The following B4GALNT2 variants were observed in gnomAD, a reference collection of about 807,000 sequenced individuals.
The protein encoded by B4GALNT2 is N-acetylneuraminylgalactosylglucosyl-glucoside beta-1,4-N- acetylgalactosaminyltransferase 2.
Under a neutral mutation model 51.1 loss-of-function variants are expected in B4GALNT2, and 42 were observed. The ratio of observed to expected loss-of-function variants is 0.82; its 90% CI spans 0.64 to 1.06. The LOEUF (loss-of-function observed/expected upper bound fraction) is 1.06, where lower values mean the gene tolerates loss of function less well. Among genes scored for constraint, B4GALNT2 ranks in the 50% least tolerant of loss-of-function variants. The probability of loss-of-function intolerance (pLI) is 0.00; values close to 1 mark genes in which losing one functional copy is unlikely to be tolerated. For synonymous variants in B4GALNT2, 253 were observed against 251.7 expected (o/e 1.01, Z -0.05); for missense variants, 602 against 633.6 (o/e 0.95, Z 0.54).
chr17:49,140,085 A>C (rs913225961), intron 1 of B4GALNT2, among the ~76,000 whole-genome samples: 1 of 149,984 alleles, frequency 6.7e-6, no homozygotes, highest in Non-Finnish European at 1.5e-5. Context: ...ACGTGAATAA[A>C]AGCAAAACAG....
intron 9 of B4GALNT2, among the ~76,000 whole-genome samples, chr17:49,167,520 G>A (rs372985537): frequency 4.6e-5 from 7 of 151,644 alleles, no homozygotes; most frequent in Non-Finnish European, 7.4e-5. Flanking sequence ...CATGTATTAC[G>A]TAGTGGTGAA....
At chr17:49,162,073 C>T (rs1018935846) in intron 7 of B4GALNT2, among the ~76,000 whole-genome samples, 2 of 151,742 alleles carry the variant, frequency 1.3e-5, no homozygotes, top group African/African-American at 4.8e-5. Context: ...CTGCAAGCTC[C>T]ACCTCCCGGG....
intron 3 of B4GALNT2, among the ~76,000 whole-genome samples, chr17:49,142,432 G>T (rs1202366301): frequency 2.6e-5 from 4 of 152,168 alleles, no homozygotes; most frequent in Admixed American, 6.5e-5. Flanking sequence ...ACACATGTCT[G>T]TCATTCTAGC....
chr17:49,121,671 A>G, the B4GALNT2 span, among the ~76,000 whole-genome samples: 1 of 152,182 alleles, frequency 6.6e-6, no homozygotes. Context: ...AAATGGGTCC[A>G]CAGCCAGGGA....
At chr17:49,125,462 G>C in the B4GALNT2 span, among the ~76,000 whole-genome samples, 632 of 152,246 alleles carry the variant, frequency 4.2e-3, 4 homozygotes, top group African/African-American at 0.015. Flanking sequence ...TCCTGGCCAA[G>C]CTTGGGATTT....
chr17:49,170,052 G>A lies in B4GALNT2; in HGVS notation c.*324G>A, dbSNP rs950815384. The A allele has an allele frequency of 1.3e-5, 3 of 227,452 alleles. No individual in the cohort carries two copies. Among genetic ancestry groups the A allele is most frequent in the Admixed American group, 5.4e-5 (1 of 18,448 alleles). 14.1% of individuals were successfully genotyped at this position (227,452 alleles called of 1,614,324 possible). On this transcript the variant is annotated 3_prime_UTR_variant, in exon 11 of 11. Coordinates refer to ENST00000393354, the MANE Select transcript of B4GALNT2 (RefSeq NM_001159387.2). ...AAGATGACATTGGTTGGTGTCCTCA[G>A]TCAAAAGAACAGCTGCCTGGTCCTT...
At chr17:49,159,363 A>G (rs998324925) in intron 6 of B4GALNT2, 146 bp downstream of exon 6, 5 of 675,428 alleles carry the variant, frequency 7.4e-6, no homozygotes. Flanking sequence ...GTTTTTTGAG[A>G]CGGAGTCTCA....
intron 3 of B4GALNT2, among the ~76,000 whole-genome samples, chr17:49,144,134 C>T (rs1462618220): frequency 6.6e-6 from 1 of 152,104 alleles, no homozygotes; most frequent in Non-Finnish European, 1.5e-5. Context: ...GTCTGGGTGA[C>T]AGAGTGAGAC....
At position 49,170,546 on chromosome 17, in the gene B4GALNT2, G is replaced by T. The variant is rs2144349287; in HGVS notation, c.*818G>T. On this transcript the variant is annotated 3_prime_UTR_variant, in exon 11 of 11. Coordinates refer to ENST00000393354, the MANE Select transcript of B4GALNT2 (RefSeq NM_001159387.2). ...AAGCCACTAAACTCCAGGGACCTGAGGCCAGTTGCTGGTCACTCAAAACTC... is the reference window on the plus strand; with the variant it reads ...AAGCCACTAAACTCCAGGGACCTGATGCCAGTTGCTGGTCACTCAAAACTC... 1 of 151,088 alleles carries T rather than the reference G, an allele frequency of 6.6e-6. No homozygotes were observed. The highest frequency in any genetic ancestry group is 2.1e-4 in the South Asian group (1 of 4,708). 9.4% of individuals were successfully genotyped at this position (151,088 alleles called of 1,614,324 possible). A position where few individuals can be genotyped will look rare whatever the true frequency, so the allele number is the denominator to read the frequency against.
intron 3 of B4GALNT2, among the ~76,000 whole-genome samples, chr17:49,145,291 G>A (rs761614163): frequency 2.6e-5 from 4 of 152,046 alleles, no homozygotes; most frequent in East Asian, 1.9e-4. Flanking sequence ...TCTTTTGTAC[G>A]ACCAGAAACG....
At chr17:49,156,951 C>T (rs531267180) in intron 5 of B4GALNT2, among the ~76,000 whole-genome samples, 2 of 152,218 alleles carry the variant, frequency 1.3e-5, no homozygotes, top group African/African-American at 4.8e-5. Flanking sequence ...CCTTCCTTTC[C>T]CCACTTTATG....
chr17:49,128,355 G>T (rs1477863623), upstream of B4GALNT2, among the ~76,000 whole-genome samples: 4 of 152,192 alleles, frequency 2.6e-5, no homozygotes, highest in African/African-American at 9.6e-5. Flanking sequence ...AGGCTTGCGG[G>T]CAGGAGGGGC....
chr17:49,166,246 C>T lies in B4GALNT2; in HGVS notation c.1087C>T (p.Leu363=), dbSNP rs140270910. Residue 363 remains leucine, a synonymous_variant, in exon 9 of 11, where the codon CTG becomes TTG. Coordinates refer to ENST00000393354, the MANE Select transcript of B4GALNT2 (RefSeq NM_001159387.2). ...GGTGGATGTCCTGGAGAAAACAGAACTGGACGTGGTAAGGGACAGTTGCCA... is the reference window on the plus strand; with the variant it reads ...GGTGGATGTCCTGGAGAAAACAGAATTGGACGTGGTAAGGGACAGTTGCCA... ...VLVDVLEKTE[L]DVVGGSVLGN... 1 of 1,613,458 alleles carries T rather than the reference C, an allele frequency of 6.2e-7. No homozygotes were observed. Among genetic ancestry groups the T allele is most frequent in the South Asian group, 1.1e-5 (1 of 91,048 alleles).
intron 7 of B4GALNT2, among the ~76,000 whole-genome samples, chr17:49,162,193 A>C (rs574010724): frequency 2.0e-5 from 3 of 152,166 alleles, no homozygotes; most frequent in African/African-American, 7.2e-5. Context: ...TCAAATAACA[A>C]AGGACAAATT....
chr17:49,159,023 C>T lies in B4GALNT2; in HGVS notation c.499-14C>T, dbSNP rs781360639. 5 of 1,612,744 alleles carry T rather than the reference C, an allele frequency of 3.1e-6. No homozygotes were observed. The highest frequency in any genetic ancestry group is 1.3e-5 in the African/African-American group (1 of 75,024). ...ATCCCTGCATTGAGCATCATTCTAC[C>T]TCACCCACCCTAGGTCACCCTGACA... On this transcript the variant is annotated splice_polypyrimidine_tract_variant and intron_variant, in intron 5 of 10. Coordinates refer to ENST00000393354, the MANE Select transcript of B4GALNT2 (RefSeq NM_001159387.2).
rs537904930 is a variant in B4GALNT2 at position 49,150,444 on chromosome 17, G to T, written c.354-2356G>T. On this transcript the variant is annotated intron_variant, in intron 3 of 10. Coordinates refer to ENST00000393354, the MANE Select transcript of B4GALNT2 (RefSeq NM_001159387.2). The stretch of plus-strand genomic sequence containing the variant: ...GTGTACCCAACAGCTCATTGAGAAC[G>T]GGCCATGATGACAATGGCGGTTTTG... Among the ~76,000 whole-genome samples the T allele has an allele frequency of 1.1e-4, 16 of 152,250 alleles. No homozygotes were observed. In the East Asian group the frequency reaches 2.9e-3, roughly 28 times the overall value.
chr17:49,149,479 C>T (rs1269568743), intron 3 of B4GALNT2, among the ~76,000 whole-genome samples: 1 of 151,978 alleles, frequency 6.6e-6, no homozygotes, highest in African/African-American at 2.4e-5. Flanking sequence ...AACCCCATCT[C>T]TACAAAAAAA....
At chr17:49,160,760 C>A in intron 7 of B4GALNT2, 119 bp downstream of exon 7, 1 of 899,584 alleles carries the variant, frequency 1.1e-6, no homozygotes, top group Non-Finnish European at 1.8e-6. Flanking sequence ...CTGATATGCT[C>A]CCTGACAAGC....
chr17:49,147,996 A>C (rs1271869069), intron 3 of B4GALNT2, among the ~76,000 whole-genome samples: 1 of 150,630 alleles, frequency 6.6e-6, no homozygotes, highest in Non-Finnish European at 1.5e-5. Context: ...TTCAGATTAT[A>C]AGTTTATTCA....
Sources: allele counts gnomAD v4.1 joint callset (sites outside exome capture counted in the v4.1 genomes callset), GRCh38; gene constraint gnomAD v4.1.1; transcripts MANE v1.5; gene names NCBI Gene and HGNC (gene_info 2026-07-23, HGNC 2026-07-21).